Variants in ZNF462 observed in about 807,000 individuals in gnomAD.
ZNF462 encodes the protein zinc finger PBX1-interacting protein.
A neutral mutation model predicts 201.9 loss-of-function variants in ZNF462; 10 were observed. The observed-to-expected ratio is 0.05, with a 90% CI of 0.03 to 0.08. The LOEUF is 0.08. Among genes scored for constraint, ZNF462 ranks in the 10% least tolerant of loss-of-function variants. The probability of loss-of-function intolerance (pLI) is 1.00; values close to 1 mark genes in which losing one functional copy is unlikely to be tolerated. For synonymous variants in ZNF462, 1,227 were observed against 1,193.3 expected, an observed-to-expected ratio of 1.03 and a Z score of -0.58; for missense variants, 2,523 against 3,168.3, an observed-to-expected ratio of 0.80 and a Z score of 4.89.
rs1204132529 is a variant in ZNF462, at chr9:106,970,554, A to G, written c.6428-1451A>G. ...AAAATTAAGTGTCCATCAAATCAGG[A>G]GGAGGCTTGTACAGTTTCTATCCCC... On this transcript the variant is annotated intron_variant, in intron 7 of 12. Transcript: ENST00000277225. This position sits in a 1 kb window ranked among gnomAD's most constrained non-coding sequence, Gnocchi z 4.2. Among the ~76,000 whole-genome samples the G allele has an allele frequency of 6.6e-6, 1 of 152,180 alleles. No individual in the cohort carries two copies. Among genetic ancestry groups the G allele is most frequent in the Non-Finnish European group, 1.5e-5 (1 of 68,032 alleles).
chr9:106,867,692 A>G (rs1019155651), intron 1 of ZNF462, among the ~76,000 whole-genome samples: 2 of 152,334 alleles, frequency 1.3e-5, no homozygotes, highest in Admixed American at 6.5e-5. Context: ...TTTTCCTGAA[A>G]GAAAGGAATG....
At chr9:106,879,339 C>CCT (rs1367300591) in intron 1 of ZNF462, among the ~76,000 whole-genome samples, 1 of 108,768 alleles carries the variant, frequency 9.2e-6, no homozygotes, top group Non-Finnish European at 1.8e-5. Flanking sequence ...TCCACCCCCC[C>CCT]CCCCACCCCC....
chr9:106,948,140 AT>A (rs1831187517), intron 7 of ZNF462, among the ~76,000 whole-genome samples: 1 of 152,070 alleles, frequency 6.6e-6, no homozygotes, highest in African/African-American at 2.4e-5. Context: ...ATGAGCAGAG[AT>A]ACAGGAGAAA....
At position 106,970,031 on chromosome 9, in the gene ZNF462, C is replaced by T. The variant is rs1352933521; in HGVS notation, c.6428-1974C>T. On this transcript the variant is annotated intron_variant, in intron 7 of 12. Coordinates refer to ENST00000277225, the MANE Select transcript of ZNF462 (RefSeq NM_021224.6). This position sits in a 1 kb window ranked among gnomAD's most constrained non-coding sequence, Gnocchi z 4.2. ...TAAATAGAAAACATCTCAAACAATCCATGAAATGGTAAACAAACCTGCTAT... is the reference window on the plus strand; with the variant it reads ...TAAATAGAAAACATCTCAAACAATCTATGAAATGGTAAACAAACCTGCTAT... 1.3e-5 allele frequency among the ~76,000 whole-genome samples: 2 copies of T among 152,098 alleles called. No homozygotes were observed. Among genetic ancestry groups the T allele is most frequent in the African/African-American group, 4.8e-5 (2 of 41,400 alleles).
At chr9:106,910,369 T>TTTTTTG (rs1334544151) in intron 1 of ZNF462, among the ~76,000 whole-genome samples, 158 of 146,628 alleles carry the variant, frequency 1.1e-3, no homozygotes, top group Non-Finnish European at 1.8e-3. Flanking sequence ...TTAGTTTTTT[T>TTTTTTG]TTTTTTTTTT....
At chr9:106,987,976 AT>A (rs1433603008) in intron 10 of ZNF462, among the ~76,000 whole-genome samples, 2 of 152,118 alleles carry the variant, frequency 1.3e-5, no homozygotes, top group Non-Finnish European at 2.9e-5. Context: ...GGCTATAAGT[AT>A]TTGGGTATAT....
At chr9:106,894,554 A>G (rs538609808) in intron 1 of ZNF462, among the ~76,000 whole-genome samples, 85 of 152,360 alleles carry the variant, frequency 5.6e-4, no homozygotes, top group African/African-American at 1.9e-3. Context: ...CTCTCACTCC[A>G]GATGTTCAGC....
intron 1 of ZNF462, among the ~76,000 whole-genome samples, chr9:106,863,895 G>C (rs138848420): frequency 6.6e-6 from 1 of 152,144 alleles, no homozygotes; most frequent in Non-Finnish European, 1.5e-5. Context: ...AGGAGGGAGA[G>C]CTCCGTGCGA....
At position 106,863,295 on chromosome 9, in the gene ZNF462, G is replaced by GATA; in HGVS notation, c.-89_-87dup. On this transcript the variant is annotated 5_prime_UTR_variant, in exon 1 of 13. Transcript: ENST00000277225. ...GCAGGAAGAGGAGAAAGAGAAAGAG[G>GATA]ATAAGGAGGCGGTGGGGCTGGAGAA... The GATA allele has an allele frequency of 2.5e-6, 1 of 398,922 alleles. No homozygotes were observed. Among genetic ancestry groups the GATA allele is most frequent in the Non-Finnish European group, 4.4e-6 (1 of 226,150 alleles). The allele number at this position is 398,922 out of a possible 1,614,324, so 24.7% of individuals were successfully genotyped here.
At chr9:106,887,203 A>G (rs1475102009) in intron 1 of ZNF462, among the ~76,000 whole-genome samples, 1 of 152,228 alleles carries the variant, frequency 6.6e-6, no homozygotes, top group Non-Finnish European at 1.5e-5. Flanking sequence ...ATAACCTATC[A>G]TGAAGAGCTG....
At chr9:106,964,106 T>C (rs1351343392) in intron 7 of ZNF462, among the ~76,000 whole-genome samples, 1 of 152,044 alleles carries the variant, frequency 6.6e-6, no homozygotes, top group Non-Finnish European at 1.5e-5. Flanking sequence ...ACCTCCTGGC[T>C]ATTGTAACTA....
intron 7 of ZNF462, among the ~76,000 whole-genome samples, chr9:106,951,212 C>G (rs1202383805): frequency 2.6e-5 from 4 of 152,140 alleles, no homozygotes; most frequent in Non-Finnish European, 4.4e-5. Flanking sequence ...GCCTCTACCC[C>G]TATAACTTAA....
At chr9:106,871,910 G>A (rs1334648732) in intron 1 of ZNF462, among the ~76,000 whole-genome samples, 2 of 152,208 alleles carry the variant, frequency 1.3e-5, no homozygotes, top group Non-Finnish European at 2.9e-5. Context: ...GAAGAACAAA[G>A]ACATGCCTTT....
intron 1 of ZNF462, among the ~76,000 whole-genome samples, chr9:106,892,033 T>A (rs991631417): frequency 1.3e-5 from 2 of 152,242 alleles, no homozygotes; most frequent in Non-Finnish European, 2.9e-5. Context: ...CAACAATCTT[T>A]CTTTTAAATG....
chr9:106,888,041 ATTT>A (rs11290404), intron 1 of ZNF462, among the ~76,000 whole-genome samples: 3 of 136,194 alleles, frequency 2.2e-5, no homozygotes, highest in African/African-American at 5.4e-5. Flanking sequence ...GTAAATGTGG[ATTT>A]TTTTTTTTTT....
At chr9:106,988,902 G>A (rs1224324691) in intron 10 of ZNF462, among the ~76,000 whole-genome samples, 2 of 152,102 alleles carry the variant, frequency 1.3e-5, no homozygotes, top group East Asian at 3.9e-4. Context: ...TGGAAACTTT[G>A]CTGAATTCCT....
At position 106,923,372 on chromosome 9, in the gene ZNF462, T is replaced by C. The variant is rs1298916452; in HGVS notation, c.-12T>C. The C allele has an allele frequency of 1.9e-5, 30 of 1,613,800 alleles. No homozygotes were observed. Among genetic ancestry groups the C allele is most frequent in the Non-Finnish European group, 2.5e-5 (30 of 1,179,978 alleles). On this transcript the variant is annotated 5_prime_UTR_variant, in exon 2 of 13. It removes the in-frame stop codon of an upstream open reading frame in the 5' UTR. Transcript: ENST00000277225. The surrounding 1 kb of genome is among the most constrained non-coding windows in gnomAD (Gnocchi z 5.6). ...GCCACAGGTTCCTAATGTGAGAGGC[T>C]AGACCCAGATCATGGAGGTGCTTCA... is the stretch of plus-strand genomic sequence containing the variant.
At chr9:106,861,046 C>T (rs144336868), upstream of ZNF462, among the ~76,000 whole-genome samples, 10 of 152,180 alleles carry the variant, frequency 6.6e-5, no homozygotes, top group African/African-American at 1.4e-4. Context: ...TTTCCTCTCC[C>T]TCCCCCTCCT....
intron 7 of ZNF462, among the ~76,000 whole-genome samples, chr9:106,965,340 A>G (rs1416927725): frequency 6.9e-6 from 1 of 145,752 alleles, no homozygotes; most frequent in Non-Finnish European, 1.5e-5. Context: ...GCACACTCAT[A>G]TCATAATCAT....
Sources: gnomAD v4.1 joint callset for allele counts (sites outside exome capture counted in the v4.1 genomes callset) on GRCh38, gnomAD v4.1.1 for gene constraint, Gnocchi (gnomAD v3.1) non-coding constraint, MANE v1.5 for transcripts, NCBI Gene and HGNC (gene_info 2026-07-23, HGNC 2026-07-21) for gene names.